DCT: variants seen among roughly 807,000 people sequenced by gnomAD.
The protein encoded by DCT is dopachrome tautomerase, also known as L-dopachrome tautomerase.
In DCT, 47 loss-of-function variants were observed where a neutral mutation model predicts 53.0. The observed-to-expected ratio is 0.89, with a 90% CI of 0.70 to 1.13. The LOEUF is 1.13. Among genes scored for constraint, DCT ranks in the 50% most tolerant of loss-of-function variants. The pLI, the probability that DCT is intolerant of heterozygous loss-of-function variation, is 0.00. For missense variants in DCT, 669 were observed against 637.4 expected (o/e 1.05, Z -0.53); for synonymous variants, 244 against 237.0 (o/e 1.03, Z -0.27).
chr13:94,540,193 G>C, the DCT span, among the ~76,000 whole-genome samples: 2 of 152,124 alleles, frequency 1.3e-5, no homozygotes, highest in African/African-American at 4.8e-5. Context: ...TGAGGTGGAA[G>C]AAAGAGATAG....
the DCT span, among the ~76,000 whole-genome samples, chr13:94,515,211 C>T: frequency 2.6e-4 from 39 of 152,260 alleles, no homozygotes; most frequent in African/African-American, 9.4e-4. Context: ...GTTTATAAGC[C>T]TCCTAGTCTA....
the DCT span, among the ~76,000 whole-genome samples, chr13:94,493,968 C>T: frequency 5.9e-5 from 9 of 152,152 alleles, no homozygotes; most frequent in Non-Finnish European, 1.3e-4. Context: ...TTTCTACTTT[C>T]GGCTCAATTT....
chr13:94,473,219 C>G (rs986543844), intron 1 of DCT, among the ~76,000 whole-genome samples: 2 of 152,168 alleles, frequency 1.3e-5, no homozygotes, highest in African/African-American at 4.8e-5. Flanking sequence ...AGAAACTCTA[C>G]TTCGAATATC....
At chr13:94,548,037 G>A in the DCT span, among the ~76,000 whole-genome samples, 28 of 144,652 alleles carry the variant, frequency 1.9e-4, no homozygotes, top group African/African-American at 6.4e-4. Flanking sequence ...GCTCCATAGA[G>A]CCTTTTCTGG....
At chr13:94,495,994 C>G in the DCT span, among the ~76,000 whole-genome samples, 2 of 152,116 alleles carry the variant, frequency 1.3e-5, no homozygotes, top group Non-Finnish European at 2.9e-5. Flanking sequence ...CGCCTCTGAT[C>G]GTTGCCAATT....
At chr13:94,524,154 GT>G in the DCT span, among the ~76,000 whole-genome samples, 1,852 of 152,348 alleles carry the variant, frequency 0.012, 39 homozygotes, top group African/African-American at 0.042. Context: ...TGACCGGGGT[GT>G]AGAAGGCTGG....
chr13:94,542,434 G>A, the DCT span, among the ~76,000 whole-genome samples: 1 of 151,996 alleles, frequency 6.6e-6, no homozygotes, highest in Non-Finnish European at 1.5e-5. Context: ...CAAGTGATCC[G>A]CCCGCCTCGG....
At chr13:94,464,118 A>C (rs539457107) in intron 4 of DCT, among the ~76,000 whole-genome samples, 2 of 152,348 alleles carry the variant, frequency 1.3e-5, no homozygotes, top group South Asian at 4.1e-4. Context: ...TCACAGAAAA[A>C]GCACTGATGA....
At chr13:94,466,508 A>C in intron 3 of DCT, 50 bp downstream of exon 3, 1 of 1,226,470 alleles carries the variant, frequency 8.2e-7, no homozygotes, top group Non-Finnish European at 1.1e-6. Context: ...AAATATATAC[A>C]ATAAATTTTT....
At chr13:94,493,482 G>A in the DCT span, among the ~76,000 whole-genome samples, 1 of 152,184 alleles carries the variant, frequency 6.6e-6, no homozygotes, top group East Asian at 1.9e-4. Context: ...ATTACCTTGA[G>A]TGTGATGATG....
the DCT span, among the ~76,000 whole-genome samples, chr13:94,520,169 A>G: frequency 3.9e-5 from 6 of 152,220 alleles, no homozygotes; most frequent in African/African-American, 1.4e-4. Context: ...TCAAGGCTCT[A>G]TTTCAGCATG....
In DCT at chr13:94,443,674, A is replaced by C. The variant is rs79214702; in HGVS notation, c.1180-37T>G. 7.3e-4 allele frequency: 1,117 copies of C among 1,530,006 alleles called. 9 individuals are homozygous for C. In the African/African-American group the frequency reaches 0.014, roughly 19 times the overall value. The allele number at this position is 1,530,006 out of a possible 1,614,324, so 94.8% of individuals were successfully genotyped here. ...TTGGACACAGCATTTAACATAAATC[A>C]GTCTGTTCCGATCACACCAACCTGA... On this transcript the variant is annotated intron_variant, in intron 6 of 7. Transcript: ENST00000377028.
At chr13:94,448,588 C>A (rs1389471463) in intron 6 of DCT, among the ~76,000 whole-genome samples, 1 of 152,040 alleles carries the variant, frequency 6.6e-6, no homozygotes, top group Non-Finnish European at 1.5e-5. Flanking sequence ...GGGTAGGAAA[C>A]AAAAGCAAAA....
chr13:94,461,736 A>G (rs568976756), intron 5 of DCT, among the ~76,000 whole-genome samples: 2 of 152,238 alleles, frequency 1.3e-5, no homozygotes, highest in Non-Finnish European at 2.9e-5. Context: ...CCCTGTTTCC[A>G]AAGACTGGAC....
the DCT span, among the ~76,000 whole-genome samples, chr13:94,535,597 T>C: frequency 1.3e-5 from 2 of 152,208 alleles, no homozygotes; most frequent in Non-Finnish European, 2.9e-5. Context: ...CCTGGAACTA[T>C]AGCAGAACCC....
the DCT span, among the ~76,000 whole-genome samples, chr13:94,540,500 G>A: frequency 2.0e-5 from 3 of 152,218 alleles, no homozygotes; most frequent in Non-Finnish European, 4.4e-5. Flanking sequence ...GGCAAAAGAT[G>A]TGAATAGACA....
chr13:94,483,457 C>A (rs1191898519), upstream of DCT, among the ~76,000 whole-genome samples: 1 of 147,648 alleles, frequency 6.8e-6, no homozygotes, highest in Non-Finnish European at 1.5e-5. Context: ...TTTTTTTTTC[C>A]AGACTAAATA....
intron 6 of DCT, among the ~76,000 whole-genome samples, chr13:94,447,537 A>C (rs1365262896): frequency 6.6e-6 from 1 of 152,206 alleles, no homozygotes; most frequent in African/African-American, 2.4e-5. Context: ...GGGGTTGGGG[A>C]CCCCTGCTTT....
In DCT at chr13:94,443,553, C is replaced by A. The variant is rs369671641; in HGVS notation, c.1264G>T (p.Ala422Ser). 6.2e-7 allele frequency: 1 copy of A among 1,613,650 alleles called. No individual in the cohort carries two copies. The highest frequency in any genetic ancestry group is 8.5e-7 in the Non-Finnish European group (1 of 1,179,658). ...TACATCCGATTGTGACCAATAGGGG[C>A]CAGCTCCTGAGGCCAGGCATCTGCA... ...PPADAWPQELAPIGHNRMYNM... is the reference protein window; with the variant it reads ...PPADAWPQELSPIGHNRMYNM... The change falls in exon 7 of 8, where the codon GCC becomes TCC. Residue 422 changes from alanine (A) to serine (S), a missense_variant. Physicochemically the swap from Ala to Ser is moderately conservative, Grantham distance 99. Transcript: ENST00000377028.
Sources: allele counts gnomAD v4.1 joint callset (sites outside exome capture counted in the v4.1 genomes callset), GRCh38; gene constraint gnomAD v4.1.1; transcripts MANE v1.5; gene names NCBI Gene and HGNC (gene_info 2026-07-23, HGNC 2026-07-21).